The following AMPH variants were observed in gnomAD, a reference collection of about 807,000 sequenced individuals.
AMPH encodes amphiphysin (Stiff-Mann syndrome with breast cancer 128kD autoantigen).
A neutral mutation model predicts 99.1 loss-of-function variants in AMPH; 49 were observed. The observed-to-expected ratio is 0.49, with a 90% CI of 0.39 to 0.63. The LOEUF is 0.63. Ranked by LOEUF, AMPH falls within the 20% of genes least tolerant of loss-of-function variation. AMPH has a pLI of 0.00. For synonymous variants in AMPH, 314 were observed against 317.3 expected (o/e 0.99, Z 0.11); for missense variants, 759 against 863.4 (o/e 0.88, Z 1.52).
intron 11 of AMPH, among the ~76,000 whole-genome samples, chr7:38,453,017 TC>T (rs1787094005): frequency 6.6e-6 from 1 of 152,154 alleles, no homozygotes; most frequent in Admixed American, 6.5e-5. Context: ...CCTGTTTCAC[TC>T]CCGCTTTTGA....
At chr7:38,443,354 A>G (rs1786632478) in intron 11 of AMPH, among the ~76,000 whole-genome samples, 1 of 152,074 alleles carries the variant, frequency 6.6e-6, no homozygotes. Context: ...CAATTCATTC[A>G]ATACCATTAC....
Position 38,503,650 on chromosome 7 carries a change from C to T in AMPH, c.205G>A (p.Gly69Ser). The T allele has an allele frequency of 6.2e-7, 1 of 1,613,958 alleles. No homozygotes were observed. Residue 69 changes from glycine to serine, a missense_variant and splice_region_variant, in exon 3 of 21, where the codon GGC becomes AGC. This residue lies in a region of AMPH where 205 missense variants were observed against 287.9 expected (regional missense o/e 0.71). Transcript: ENST00000356264. ...GCAGTAAACAACTCATACACATTAC[C>T]TTTGATTGCTGCTAAATATCCTCGG... ...ELRGYLAAIK[G>S]MQEASMKLTE...
intron 1 of AMPH, among the ~76,000 whole-genome samples, chr7:38,611,931 G>T (rs1793694163): frequency 1.3e-5 from 2 of 152,078 alleles, no homozygotes; most frequent in South Asian, 4.2e-4. Context: ...TGAACCTTTG[G>T]GTGTTAATCC....
chr7:38,631,242 C>A, intron 1 of AMPH, 41 bp downstream of exon 1: 1 of 1,498,844 alleles, frequency 6.7e-7, no homozygotes, highest in Non-Finnish European at 8.9e-7. Context: ...CAAGCCCCCG[C>A]CTGGCGTCCC....
At chr7:38,464,132 A>G (rs1787561286) in intron 9 of AMPH, 2 of 1,289,708 alleles carry the variant, frequency 1.6e-6, no homozygotes, top group Non-Finnish European at 2.0e-6. Context: ...TGAAAGGAAC[A>G]TTCATTAAGT....
intron 14 of AMPH, chr7:38,428,266 G>A (rs966280612): frequency 6.6e-6 from 3 of 456,580 alleles, no homozygotes; most frequent in Non-Finnish European, 1.3e-5. Context: ...ATTTGACCTG[G>A]ATCTGTTCCC....
chr7:38,597,931 AC>A (rs1466766364), intron 1 of AMPH, among the ~76,000 whole-genome samples: 1 of 152,166 alleles, frequency 6.6e-6, no homozygotes, highest in Non-Finnish European at 1.5e-5. Flanking sequence ...GCATGTGCCC[AC>A]CCTTATCCTC....
In AMPH at chr7:38,580,319, C is replaced by A. The variant is rs554909049; in HGVS notation, c.70-45308G>T. Among the ~76,000 whole-genome samples, 7 of 152,170 alleles carry A rather than the reference C, an allele frequency of 4.6e-5. No homozygotes were observed. In the South Asian group the frequency reaches 1.5e-3, roughly 32 times the overall value. On this transcript the variant is annotated intron_variant, in intron 1 of 20. Transcript: ENST00000356264. ...CTGAATTCCATTAAGCATGTAAAAC[C>A]CTGCATTCTTTATCTCCTTATTAGG...
chr7:38,579,661 G>T (rs193200765), intron 1 of AMPH, among the ~76,000 whole-genome samples: 1 of 152,286 alleles, frequency 6.6e-6, no homozygotes, highest in East Asian at 1.9e-4. Context: ...TACAAAAGAG[G>T]CAACAGTTGT....
intron 20 of AMPH, among the ~76,000 whole-genome samples, chr7:38,387,797 C>T (rs566384682): frequency 3.3e-4 from 49 of 148,796 alleles, no homozygotes; most frequent in African/African-American, 1.2e-3. Context: ...AAAAAAAAAA[C>T]CTACCCAAGC....
At chr7:38,404,536 A>G (rs1018471264) in intron 17 of AMPH, among the ~76,000 whole-genome samples, 16 of 152,344 alleles carry the variant, frequency 1.1e-4, no homozygotes, top group Admixed American at 2.0e-4. Flanking sequence ...GAACCCATGT[A>G]GAGCCTTGGC....
chr7:38,438,482 T>C (rs1786376142), intron 11 of AMPH, among the ~76,000 whole-genome samples: 1 of 152,182 alleles, frequency 6.6e-6, no homozygotes, highest in African/African-American at 2.4e-5. Context: ...CCAAGTTTCT[T>C]AATTAGGAAC....
At chr7:38,463,506 A>G (rs1215024815) in intron 9 of AMPH, among the ~76,000 whole-genome samples, 1 of 152,206 alleles carries the variant, frequency 6.6e-6, no homozygotes, top group Non-Finnish European at 1.5e-5. Flanking sequence ...TCCAAACATA[A>G]GCTGAATTGA....
chr7:38,509,803 G>A (rs1198423727), intron 2 of AMPH, among the ~76,000 whole-genome samples: 1 of 152,146 alleles, frequency 6.6e-6, no homozygotes, highest in Non-Finnish European at 1.5e-5. Flanking sequence ...AATCAAGGGC[G>A]ACTTTAAAGG....
At chr7:38,565,373 A>C (rs1486678945) in intron 1 of AMPH, among the ~76,000 whole-genome samples, 1 of 152,170 alleles carries the variant, frequency 6.6e-6, no homozygotes, top group African/African-American at 2.4e-5. Flanking sequence ...ACTTTCTCAC[A>C]GTTCTGCAGA....
intron 12 of AMPH, 27 bp downstream of exon 12, chr7:38,436,245 T>C: frequency 6.5e-7 from 1 of 1,546,372 alleles, no homozygotes; most frequent in South Asian, 1.1e-5. Context: ...ATGAAATATC[T>C]CCAAACATCC....
chr7:38,562,739 A>G (rs1481632833), intron 1 of AMPH, among the ~76,000 whole-genome samples: 1 of 152,198 alleles, frequency 6.6e-6, no homozygotes, highest in East Asian at 1.9e-4. Flanking sequence ...AACCAAAAGC[A>G]TCTTTTATTT....
intron 1 of AMPH, among the ~76,000 whole-genome samples, chr7:38,550,416 G>A (rs1356402195): frequency 1.3e-5 from 2 of 152,174 alleles, no homozygotes; most frequent in Non-Finnish European, 2.9e-5. Flanking sequence ...ATTATTCTGG[G>A]CATTTGATGT....
intron 1 of AMPH, among the ~76,000 whole-genome samples, chr7:38,557,605 C>G (rs1791413171): frequency 6.6e-6 from 1 of 152,150 alleles, no homozygotes; most frequent in Non-Finnish European, 1.5e-5. Context: ...AATGAAATCT[C>G]TTTCCTTTAT....
Sources: gnomAD v4.1 joint callset for allele counts (sites outside exome capture counted in the v4.1 genomes callset) on GRCh38, gnomAD v4.1.1 for gene constraint, gnomAD v4.1.1 regional missense constraint, MANE v1.5 for transcripts, NCBI Gene and HGNC (gene_info 2026-07-23, HGNC 2026-07-21) for gene names.